The following COL5A2 variants were observed in gnomAD, a reference collection of about 807,000 sequenced individuals.
COL5A2 encodes collagen type V alpha 2 chain.
In COL5A2, 23 loss-of-function variants were observed where a neutral mutation model predicts 208.2. The observed-to-expected ratio is 0.11, with a 90% CI of 0.08 to 0.16. The LOEUF (loss-of-function observed/expected upper bound fraction) is 0.16. COL5A2 is among the 10% of genes least tolerant of loss of function. COL5A2 has a pLI of 1.00. For synonymous variants in COL5A2, 625 were observed against 628.5 expected (o/e 0.99, Z 0.08); for missense variants, 1,590 against 1,956.4 (o/e 0.81, Z 3.53).
At chr2:189,400,256 T>C in the COL5A2 span, among the ~76,000 whole-genome samples, 4,250 of 152,304 alleles carry the variant, frequency 0.028, 199 homozygotes, top group African/African-American at 0.097. Context: ...AGCCATTATA[T>C]TCTCAAACAT....
chr2:189,424,072 C>G, the COL5A2 span, among the ~76,000 whole-genome samples: 1 of 152,024 alleles, frequency 6.6e-6, no homozygotes, highest in East Asian at 1.9e-4. Context: ...ATGTAATACA[C>G]CACATTAACA....
chr2:189,346,126 T>C, the COL5A2 span, among the ~76,000 whole-genome samples: 1 of 152,352 alleles, frequency 6.6e-6, no homozygotes, highest in Non-Finnish European at 1.5e-5. Context: ...TAGCAAATGC[T>C]TGCAATGGAT....
chr2:189,153,941 T>C (rs1001116344), intron 1 of COL5A2, among the ~76,000 whole-genome samples: 4 of 152,156 alleles, frequency 2.6e-5, no homozygotes, highest in Admixed American at 2.6e-4. Context: ...AGATTCTGCA[T>C]TGCCTTTGAA....
chr2:189,161,203 T>G (rs1220851270), intron 1 of COL5A2, among the ~76,000 whole-genome samples: 2 of 151,574 alleles, frequency 1.3e-5, no homozygotes, highest in African/African-American at 4.9e-5. Flanking sequence ...ATCCTTTATG[T>G]TTTGGATACA....
chr2:189,357,991 C>A, the COL5A2 span, among the ~76,000 whole-genome samples: 1 of 152,036 alleles, frequency 6.6e-6, no homozygotes, highest in Admixed American at 6.5e-5. Flanking sequence ...AGCCCATGAC[C>A]CCTTGCACCT....
the COL5A2 span, among the ~76,000 whole-genome samples, chr2:189,373,618 T>C: frequency 6.6e-6 from 1 of 152,124 alleles, no homozygotes; most frequent in Non-Finnish European, 1.5e-5. Context: ...GCTTTCTATA[T>C]AGCTGTAAAT....
At chr2:189,062,712 T>A (rs766910964) in intron 29 of COL5A2, among the ~76,000 whole-genome samples, 153 bp downstream of exon 29, 36 of 152,026 alleles carry the variant, frequency 2.4e-4, no homozygotes, top group Admixed American at 3.9e-4. Flanking sequence ...CTCACAGAAA[T>A]CAAAAGAGAA....
At position 189,057,078 on chromosome 2, in the gene COL5A2, A is replaced by G. The variant is rs772558084; in HGVS notation, c.2338-52T>C. The G allele has an allele frequency of 3.2e-6, 5 of 1,572,960 alleles. No individual in the cohort carries two copies. In the South Asian group the frequency reaches 5.5e-5, roughly 17 times the overall value. ...ATTCATTTAATTGTCTCTTTCCCAC[A>G]CTTGTGTGTAAGTTTCATGAGAGTG... On this transcript the variant is annotated intron_variant, in intron 34 of 53. Coordinates refer to ENST00000374866, the MANE Select transcript of COL5A2 (RefSeq NM_000393.5).
chr2:189,350,996 T>C, the COL5A2 span, among the ~76,000 whole-genome samples: 3 of 152,202 alleles, frequency 2.0e-5, no homozygotes, highest in African/African-American at 7.2e-5. Flanking sequence ...CTGGCTAATA[T>C]CAGAATAAGA....
intron 52 of COL5A2, among the ~76,000 whole-genome samples, chr2:189,035,575 A>AAAAT (rs140385849): frequency 0.095 from 14,487 of 152,098 alleles, 710 homozygotes; most frequent in South Asian, 0.15. Context: ...TGTGCTAACA[A>AAAAT]AAATAATCAA....
At chr2:189,160,490 T>C (rs1254487383) in intron 1 of COL5A2, among the ~76,000 whole-genome samples, 1 of 152,166 alleles carries the variant, frequency 6.6e-6, no homozygotes, top group African/African-American at 2.4e-5. Context: ...TACTCTGCCA[T>C]CTGAAAATAA....
the COL5A2 span, among the ~76,000 whole-genome samples, chr2:189,296,783 C>T: frequency 6.6e-6 from 1 of 152,188 alleles, no homozygotes; most frequent in Non-Finnish European, 1.5e-5. Context: ...TCAGCTCATC[C>T]TTTTCAAACC....
At chr2:189,323,462 C>A in the COL5A2 span, among the ~76,000 whole-genome samples, 3 of 152,268 alleles carry the variant, frequency 2.0e-5, no homozygotes, top group African/African-American at 7.2e-5. Flanking sequence ...TGATAAGCAA[C>A]TTCAGCAAAG....
At chr2:189,247,570 A>C in the COL5A2 span, among the ~76,000 whole-genome samples, 4 of 150,006 alleles carry the variant, frequency 2.7e-5, no homozygotes, top group South Asian at 8.4e-4. Flanking sequence ...AGTCTTTTTC[A>C]AAAAAAAAAT....
chr2:189,375,872 G>A, the COL5A2 span, among the ~76,000 whole-genome samples: 1 of 152,212 alleles, frequency 6.6e-6, no homozygotes, highest in Non-Finnish European at 1.5e-5. Flanking sequence ...GATCAGAATA[G>A]TGGAAAGAAA....
At chr2:189,040,151 A>G (rs1381366255) in intron 50 of COL5A2, among the ~76,000 whole-genome samples, 3 of 152,224 alleles carry the variant, frequency 2.0e-5, no homozygotes, top group Non-Finnish European at 4.4e-5. Flanking sequence ...AAAACTGAAG[A>G]AATAGTATTG....
chr2:189,235,839 T>C, the COL5A2 span, among the ~76,000 whole-genome samples: 1 of 151,684 alleles, frequency 6.6e-6, no homozygotes, highest in South Asian at 2.1e-4. Context: ...TTGACTAGCA[T>C]GTAAGAACTT....
intron 12 of COL5A2, among the ~76,000 whole-genome samples, chr2:189,082,818 GA>G (rs1278516680): frequency 2.0e-5 from 3 of 152,186 alleles, no homozygotes; most frequent in Non-Finnish European, 4.4e-5. Context: ...CAGGACATGG[GA>G]AGTTCAAACC....
chr2:189,389,686 C>A, the COL5A2 span, among the ~76,000 whole-genome samples: 5 of 152,214 alleles, frequency 3.3e-5, no homozygotes, highest in African/African-American at 1.2e-4. Context: ...ATTGTATTCA[C>A]AAGAGACAAA....
Sources: gnomAD v4.1 joint callset for allele counts (sites outside exome capture counted in the v4.1 genomes callset) on GRCh38, gnomAD v4.1.1 for gene constraint, MANE v1.5 for transcripts, NCBI Gene and HGNC (gene_info 2026-07-23, HGNC 2026-07-21) for gene names.